Variants in KIAA1217 observed in about 807,000 individuals in gnomAD.
KIAA1217 encodes KIAA1217.
In KIAA1217, 88 loss-of-function variants were observed where a neutral mutation model predicts 163.9. The observed-to-expected ratio is 0.54, with a 90% CI of 0.45 to 0.64. KIAA1217 has a LOEUF of 0.64. KIAA1217 is among the 30% of genes least tolerant of loss of function. KIAA1217 has a pLI of 0.00. For missense variants in KIAA1217, 2,372 were observed against 2,475.0 expected (o/e 0.96, Z 0.88); for synonymous variants, 903 against 923.1 (o/e 0.98, Z 0.39).
chr10:23,907,133 A>G lies in KIAA1217; in HGVS notation c.-320-100092A>G, dbSNP rs779931799. On this transcript the variant is annotated intron_variant, in intron 1 of 18. Coordinates refer to the KIAA1217 transcript ENST00000376462. ...GTGTATTAAAGCAACTGGCCTAAAG[A>G]CCTTTATTGGACTGCTGCTTTGCTT... 8.5e-5 allele frequency among the ~76,000 whole-genome samples: 13 copies of G among 152,052 alleles called. 1 individual carries two copies. The highest frequency in any genetic ancestry group is 1.9e-4 in the Non-Finnish European group (13 of 68,006).
At chr10:24,387,489 G>A (rs563377640) in intron 3 of KIAA1217, among the ~76,000 whole-genome samples, 10 of 152,142 alleles carry the variant, frequency 6.6e-5, no homozygotes, top group Admixed American at 1.3e-4. Context: ...TTTGAAAACT[G>A]GTAGAAGACA....
At chr10:24,416,451 C>T (rs186398302) in intron 3 of KIAA1217, among the ~76,000 whole-genome samples, 12 of 152,330 alleles carry the variant, frequency 7.9e-5, no homozygotes, top group Non-Finnish European at 1.3e-4. Context: ...GATGCTGACG[C>T]TTGGGAAACA....
intron 1 of KIAA1217, among the ~76,000 whole-genome samples, chr10:23,781,285 G>GT (rs1187392531): frequency 3.3e-5 from 5 of 152,030 alleles, no homozygotes; most frequent in Admixed American, 3.3e-4. Flanking sequence ...GTTATCTCTT[G>GT]TTTTTTTGAT....
intron 2 of KIAA1217, among the ~76,000 whole-genome samples, chr10:24,124,467 C>T (rs1036637246): frequency 2.6e-5 from 4 of 151,970 alleles, no homozygotes; most frequent in East Asian, 1.9e-4. Flanking sequence ...TGATTAGGAA[C>T]GCTTGTCCAA....
intron 1 of KIAA1217, among the ~76,000 whole-genome samples, chr10:23,878,167 G>GA (rs1357838361): frequency 6.6e-6 from 1 of 151,924 alleles, no homozygotes; most frequent in Non-Finnish European, 1.5e-5. Context: ...ATCATGGCAA[G>GA]AAAAAATCCA....
intron 1 of KIAA1217, among the ~76,000 whole-genome samples, chr10:23,767,379 T>C (rs1834585698): frequency 6.6e-6 from 1 of 152,170 alleles, no homozygotes; most frequent in Admixed American, 6.5e-5. Context: ...GCTGAGGCTC[T>C]TGGTTGCAAT....
chr10:24,034,499 G>C (rs908957237), intron 2 of KIAA1217, among the ~76,000 whole-genome samples: 1 of 150,848 alleles, frequency 6.6e-6, no homozygotes, highest in Non-Finnish European at 1.5e-5. Flanking sequence ...GGAGGTTGAG[G>C]CTGCAGTGAG....
At chr10:24,120,545 T>C (rs1005488536) in intron 2 of KIAA1217, among the ~76,000 whole-genome samples, 5 of 152,178 alleles carry the variant, frequency 3.3e-5, no homozygotes, top group Non-Finnish European at 7.3e-5. Flanking sequence ...CCATCAACTA[T>C]GGTGATCTTG....
At chr10:23,781,315 G>A (rs1363102616) in intron 1 of KIAA1217, among the ~76,000 whole-genome samples, 2 of 152,158 alleles carry the variant, frequency 1.3e-5, no homozygotes, top group Non-Finnish European at 2.9e-5. Context: ...ACTAATAAGT[G>A]TGGGGTGATA....
chr10:23,958,472 T>G (rs537439288), intron 1 of KIAA1217, among the ~76,000 whole-genome samples: 1 of 152,314 alleles, frequency 6.6e-6, no homozygotes, highest in South Asian at 2.1e-4. Flanking sequence ...AAGCCTGGAC[T>G]AGGCTCATAG....
chr10:24,177,935 G>A (rs1295768582), intron 2 of KIAA1217, among the ~76,000 whole-genome samples: 1 of 152,172 alleles, frequency 6.6e-6, no homozygotes, highest in Non-Finnish European at 1.5e-5. Context: ...TCTGTTTGCT[G>A]GATCCTTTAT....
At chr10:23,840,454 C>T (rs71493347) in intron 1 of KIAA1217, among the ~76,000 whole-genome samples, 26,810 of 151,872 alleles carry the variant, frequency 0.18, 2,487 homozygotes, top group Middle Eastern at 0.2. Flanking sequence ...TGTGCCTGGC[C>T]GATTATATCT....
At chr10:24,239,697 TTGTGTGTG>T (rs371741568) in intron 2 of KIAA1217, among the ~76,000 whole-genome samples, 1 of 81,030 alleles carries the variant, frequency 1.2e-5, no homozygotes, top group African/African-American at 3.8e-5. Flanking sequence ...GTGTGTGTGT[TTGTGTGTG>T]TGTGTGTGTG....
chr10:23,914,015 C>A (rs1281166087), intron 1 of KIAA1217, among the ~76,000 whole-genome samples: 1 of 152,128 alleles, frequency 6.6e-6, no homozygotes, highest in East Asian at 1.9e-4. Flanking sequence ...CAGAGGCATG[C>A]CCTGCCCTTG....
chr10:23,718,635 T>TAA (rs776088813), intron 1 of KIAA1217, among the ~76,000 whole-genome samples: 2 of 141,980 alleles, frequency 1.4e-5, no homozygotes, highest in African/African-American at 5.1e-5. Context: ...AAGGAAAAAC[T>TAA]AAAAAAAAAA....
At chr10:23,878,523 A>G (rs1422863267) in intron 1 of KIAA1217, among the ~76,000 whole-genome samples, 1 of 151,918 alleles carries the variant, frequency 6.6e-6, no homozygotes, top group Non-Finnish European at 1.5e-5. Context: ...CTGTATTTTG[A>G]GAGAGAAGCA....
chr10:23,735,518 TA>T (rs1564376816), intron 1 of KIAA1217, among the ~76,000 whole-genome samples: 1 of 151,900 alleles, frequency 6.6e-6, no homozygotes, highest in Non-Finnish European at 1.5e-5. Flanking sequence ...TTTAAAATTA[TA>T]TTTTTTTCTA....
intron 1 of KIAA1217, among the ~76,000 whole-genome samples, chr10:23,925,231 C>T (rs1467066022): frequency 6.6e-6 from 1 of 152,154 alleles, no homozygotes. Flanking sequence ...AAGGAAACAA[C>T]TTACAAAGGC....
At chr10:24,127,392 A>T (rs1342317675) in intron 2 of KIAA1217, among the ~76,000 whole-genome samples, 1 of 152,152 alleles carries the variant, frequency 6.6e-6, no homozygotes, top group East Asian at 1.9e-4. Context: ...TATTTTCTGA[A>T]ATCGTGCAAA....
Sources: gnomAD v4.1 joint callset for allele counts (sites outside exome capture counted in the v4.1 genomes callset) on GRCh38, gnomAD v4.1.1 for gene constraint, MANE v1.5 for transcripts, NCBI Gene and HGNC (gene_info 2026-07-23, HGNC 2026-07-21) for gene names.